The following ZNF804A variants were observed in gnomAD, a reference collection of about 807,000 sequenced individuals.
ZNF804A encodes zinc finger protein 804A.
Under a neutral mutation model 16.5 loss-of-function variants are expected in ZNF804A, and 2 were observed. The observed-to-expected ratio is 0.12, with a 90% CI of 0.05 to 0.38. The LOEUF is 0.38. ZNF804A is among the 10% of genes least tolerant of loss of function. The pLI is 0.99. For synonymous variants in ZNF804A, 534 were observed against 489.6 expected, an observed-to-expected ratio of 1.09 and a Z score of -1.20; for missense variants, 1,473 against 1,390.7, an observed-to-expected ratio of 1.06 and a Z score of -0.94.
chr2:184,709,796 T>A (rs1693094996), intron 1 of ZNF804A, among the ~76,000 whole-genome samples: 1 of 149,438 alleles, frequency 6.7e-6, no homozygotes, highest in Non-Finnish European at 1.5e-5. Context: ...ACTTTTCATA[T>A]ATATATATAA....
At chr2:184,776,367 A>G (rs1461317278) in intron 1 of ZNF804A, among the ~76,000 whole-genome samples, 5 of 151,580 alleles carry the variant, frequency 3.3e-5, no homozygotes, top group Non-Finnish European at 7.4e-5. Flanking sequence ...GCAACAGTAT[A>G]GATAGAAAAA....
intron 1 of ZNF804A, among the ~76,000 whole-genome samples, chr2:184,836,385 AC>A (rs1254447359): frequency 6.6e-6 from 1 of 152,080 alleles, no homozygotes; most frequent in Non-Finnish European, 1.5e-5. Context: ...TGTTGCTGAC[AC>A]TGGGAATAAG....
At chr2:184,739,415 A>G (rs72901845) in intron 1 of ZNF804A, among the ~76,000 whole-genome samples, 2 of 152,272 alleles carry the variant, frequency 1.3e-5, no homozygotes, top group Non-Finnish European at 2.9e-5. Flanking sequence ...TGTGGGGGGA[A>G]CAGCGTCTCA....
At chr2:184,682,036 C>A (rs941032731) in intron 1 of ZNF804A, among the ~76,000 whole-genome samples, 4 of 152,238 alleles carry the variant, frequency 2.6e-5, no homozygotes, top group African/African-American at 4.8e-5. Flanking sequence ...GCCGCCTCAG[C>A]CCCCTCTGAA....
intron 1 of ZNF804A, among the ~76,000 whole-genome samples, chr2:184,766,063 G>A (rs898866310): frequency 3.9e-5 from 6 of 152,020 alleles, no homozygotes; most frequent in South Asian, 2.1e-4. Flanking sequence ...AGAAAAAATG[G>A]TTATTAATTT....
chr2:184,862,197 G>A lies in ZNF804A; in HGVS notation c.112-4172G>A, dbSNP rs79741833. ...TATCTCTTACTTTCTGCAGTGGGATGGCTGTATTTAATATGTGCTTTAAAG... is the reference window on the plus strand; with the variant it reads ...TATCTCTTACTTTCTGCAGTGGGATAGCTGTATTTAATATGTGCTTTAAAG... On this transcript the variant is annotated intron_variant, in intron 1 of 3. Coordinates refer to ENST00000302277, the MANE Select transcript of ZNF804A (RefSeq NM_194250.2). Among the ~76,000 whole-genome samples, 500 of 152,144 alleles carry A rather than the reference G, an allele frequency of 3.3e-3. 5 individuals are homozygous for A. The highest frequency in any genetic ancestry group is 0.012 in the African/African-American group (478 of 41,510).
rs1695667946 is a variant in ZNF804A at position 184,855,194 on chromosome 2, G to T, written c.112-11175G>T. On this transcript the variant is annotated intron_variant, in intron 1 of 3. Coordinates refer to ENST00000302277, the MANE Select transcript of ZNF804A (RefSeq NM_194250.2). ...GCCATGGGTAGAATGACTGTGCTGG[G>T]ATATGCTAATGCAGTAGGCATGCAT... Among the ~76,000 whole-genome samples the T allele has an allele frequency of 2.0e-5, 3 of 152,024 alleles. No homozygotes were observed. The South Asian group carries it at 6.2e-4, about 32-fold the overall frequency.
intron 2 of ZNF804A, among the ~76,000 whole-genome samples, chr2:184,871,074 A>G (rs1695966620): frequency 6.6e-6 from 1 of 150,796 alleles, no homozygotes; most frequent in African/African-American, 2.4e-5. Flanking sequence ...AGAGCATACA[A>G]GATACTCTGA....
intron 1 of ZNF804A, among the ~76,000 whole-genome samples, chr2:184,835,457 T>C (rs1239755544): frequency 6.6e-6 from 1 of 152,064 alleles, no homozygotes; most frequent in Non-Finnish European, 1.5e-5. Flanking sequence ...GATGTTGCCA[T>C]AGCAATGGTA....
At chr2:184,625,071 A>G (rs942350613) in intron 1 of ZNF804A, among the ~76,000 whole-genome samples, 1 of 152,170 alleles carries the variant, frequency 6.6e-6, no homozygotes, top group East Asian at 1.9e-4. Context: ...AAACAATTTA[A>G]TCTTTCAGAA....
rs748532250 is a variant in ZNF804A at position 184,603,091 on chromosome 2, A to G, written c.111+4021A>G. Among the ~76,000 whole-genome samples the G allele has an allele frequency of 2.2e-4, 34 of 152,248 alleles. 1 individual carries two copies. In the South Asian group the frequency reaches 2.9e-3, roughly 13 times the overall value. ...GCCTTGTTTCTGTAGGCTGCCCTGC[A>G]TTTCTAATATATGAAATACTATGTT... On this transcript the variant is annotated intron_variant, in intron 1 of 3. Transcript: ENST00000302277.
chr2:184,627,638 C>G (rs1331472296), intron 1 of ZNF804A, among the ~76,000 whole-genome samples: 1 of 152,130 alleles, frequency 6.6e-6, no homozygotes, highest in African/African-American at 2.4e-5. Flanking sequence ...ATAAATCTTA[C>G]ATGTGTATGG....
At chr2:184,768,656 T>C (rs1694165987) in intron 1 of ZNF804A, among the ~76,000 whole-genome samples, 2 of 152,034 alleles carry the variant, frequency 1.3e-5, no homozygotes, top group Non-Finnish European at 2.9e-5. Context: ...AGGGACCACA[T>C]TTTTATAGCC....
At chr2:184,930,786 T>A (rs1363715179) in intron 2 of ZNF804A, among the ~76,000 whole-genome samples, 1 of 152,232 alleles carries the variant, frequency 6.6e-6, no homozygotes, top group Non-Finnish European at 1.5e-5. Flanking sequence ...TTGTTCTAAG[T>A]TCCTGGTACA....
chr2:184,934,251 T>A (rs2105842843), intron 3 of ZNF804A, among the ~76,000 whole-genome samples: 1 of 152,268 alleles, frequency 6.6e-6, no homozygotes, highest in South Asian at 2.1e-4. Flanking sequence ...GGTTCACAAC[T>A]TTTAAACTTT....
In ZNF804A at chr2:184,936,466, G is replaced by C. The variant is rs758962173; in HGVS notation, c.1070G>C (p.Gly357Ala). The C allele has an allele frequency of 3.1e-6, 5 of 1,613,850 alleles. No homozygotes were observed. The highest frequency in any genetic ancestry group is 4.2e-6 in the Non-Finnish European group (5 of 1,179,936). ...AGTGGTAACAGTTTTGAGTTGTTAG[G>C]AAATAAATCCACAGTTCTTGACATG... The part of the protein sequence containing the change: ...PVSGNSFELL[G>A]NKSTVLDMSN... The change falls in exon 4 of 4, where the codon GGA becomes GCA. Residue 357 changes from glycine to alanine, a missense_variant. Physicochemically the swap from Gly to Ala is moderately conservative, Grantham distance 60. Transcript: ENST00000302277.
intron 1 of ZNF804A, among the ~76,000 whole-genome samples, chr2:184,751,971 C>G (rs1693884081): frequency 6.6e-6 from 1 of 151,392 alleles, no homozygotes; most frequent in Non-Finnish European, 1.5e-5. Context: ...TTAAAAAAAT[C>G]AAAACACAAG....
intron 1 of ZNF804A, among the ~76,000 whole-genome samples, chr2:184,621,792 A>G (rs1199181301): frequency 6.6e-6 from 1 of 151,802 alleles, no homozygotes; most frequent in African/African-American, 2.4e-5. Context: ...TATAATGTAT[A>G]GAAATGCTTG....
chr2:184,705,317 A>G (rs1442293112), intron 1 of ZNF804A, among the ~76,000 whole-genome samples: 2 of 152,202 alleles, frequency 1.3e-5, no homozygotes, highest in Admixed American at 1.3e-4. Flanking sequence ...AGGAGTGACT[A>G]TGAAAAGGTA....
Sources: allele counts gnomAD v4.1 joint callset (sites outside exome capture counted in the v4.1 genomes callset), GRCh38; gene constraint gnomAD v4.1.1; transcripts MANE v1.5; gene names NCBI Gene and HGNC (gene_info 2026-07-23, HGNC 2026-07-21).